The following HEPHL1 variants were observed in gnomAD, a reference collection of about 807,000 sequenced individuals.
HEPHL1 encodes ferroxidase HEPHL1.
Under a neutral mutation model 122.0 loss-of-function variants are expected in HEPHL1, and 123 were observed. That is an observed-to-expected ratio of 1.01 (90% CI 0.87 to 1.17). HEPHL1 has a LOEUF of 1.17. HEPHL1 is among the 50% of genes most tolerant of loss of function. The pLI is 0.00. For synonymous variants in HEPHL1, 527 were observed against 508.9 expected (o/e 1.04, Z -0.48); for missense variants, 1,452 against 1,430.5 (o/e 1.01, Z -0.24).
intron 1 of HEPHL1, among the ~76,000 whole-genome samples, chr11:94,042,360 C>G (rs1332960681): frequency 8.5e-5 from 12 of 141,846 alleles, no homozygotes; most frequent in Admixed American, 4.3e-4. Context: ...TTTGACCCAG[C>G]CATCCCATTA....
chr11:94,081,421 C>T (rs1435515957), intron 9 of HEPHL1, among the ~76,000 whole-genome samples: 1 of 152,166 alleles, frequency 6.6e-6, no homozygotes, highest in Non-Finnish European at 1.5e-5. Context: ...AACAAATCTG[C>T]GCAGACTGCA....
At position 94,104,514 on chromosome 11, in the gene HEPHL1, AT is replaced by A; in HGVS notation, c.2683-8del. ...CTTAATGGCTCTTTTAACTCAGTTT[AT>A]TTTTTCTTCCAGGATACGTATAGTG... is the stretch of plus-strand genomic sequence containing the variant. On this transcript the variant is annotated splice_polypyrimidine_tract_variant and intron_variant, in intron 15 of 19. Coordinates refer to ENST00000315765, the MANE Select transcript of HEPHL1 (RefSeq NM_001098672.2). 14 of 1,569,490 alleles carry A rather than the reference AT, an allele frequency of 8.9e-6. No homozygotes were observed. The highest frequency in any genetic ancestry group is 1.2e-5 in the Non-Finnish European group (14 of 1,142,442).
Position 94,093,633 on chromosome 11 carries a change from A to G in HEPHL1, c.2427A>G (p.Glu809=). 6.2e-7 allele frequency: 1 copy of G among 1,612,266 alleles called. No individual in the cohort carries two copies. The highest frequency in any genetic ancestry group is 1.1e-5 in the South Asian group (1 of 90,940). ...KARPPREEHL[E]LLGPMIHAEV... ...GACCACCACGAGAGGAGCACTTAGAACTCCTGGGTATGGCACAGATTTCAG... is the reference window on the plus strand; with the variant it reads ...GACCACCACGAGAGGAGCACTTAGAGCTCCTGGGTATGGCACAGATTTCAG... The change falls in exon 13 of 20, where the codon GAA becomes GAG. Residue 809 remains glutamate, a synonymous_variant. Coordinates refer to ENST00000315765, the MANE Select transcript of HEPHL1 (RefSeq NM_001098672.2).
chr11:94,097,867 A>G (rs1379027752), intron 13 of HEPHL1, among the ~76,000 whole-genome samples: 5 of 152,062 alleles, frequency 3.3e-5, no homozygotes, highest in African/African-American at 4.8e-5. Context: ...CCATTTGCTT[A>G]GTAGATCTTC....
In HEPHL1 at chr11:94,073,144, A is replaced by C; in HGVS notation, c.1352A>C (p.Glu451Ala). 1 of 1,613,244 alleles carries C rather than the reference A, an allele frequency of 6.2e-7. No individual in the cohort carries two copies. Among genetic ancestry groups the C allele is most frequent in the Non-Finnish European group, 8.5e-7 (1 of 1,179,484 alleles). ...AAAAGAAAGAGACTCTCTGCTGAAG[A>C]AGCCCATCTTGGAATTCTTGGTACA... ...FTKRKRLSAE[E>A]AHLGILGPVI... is the part of the protein sequence containing the mutation. The change falls in exon 7 of 20, where the codon GAA becomes GCA. Residue 451 changes from glutamate (E) to alanine (A), a missense_variant. Transcript: ENST00000315765.
chr11:94,044,763 C>CTTTTTT (rs112232970), intron 1 of HEPHL1, among the ~76,000 whole-genome samples: 1 of 136,386 alleles, frequency 7.3e-6, no homozygotes, highest in African/African-American at 2.8e-5. Context: ...TTCTCCAAAC[C>CTTTTTT]TTTTTTTTTT....
Position 94,043,427 on chromosome 11 carries a change from G to T in HEPHL1, c.171-2246G>T, listed in dbSNP as rs562805476. ...CCTGAACTAATCATGGTGGCCCAGG[G>T]TAGGCTGGCTGGGGGATGAATGATA... On this transcript the variant is annotated intron_variant, in intron 1 of 19. Coordinates refer to ENST00000315765, the MANE Select transcript of HEPHL1 (RefSeq NM_001098672.2). 1.1e-3 allele frequency among the ~76,000 whole-genome samples: 167 copies of T among 152,234 alleles called. 1 individual carries two copies. Among genetic ancestry groups the T allele is most frequent in the African/African-American group, 3.8e-3 (158 of 41,542 alleles).
At chr11:94,044,938 C>T (rs1011997194) in intron 1 of HEPHL1, among the ~76,000 whole-genome samples, 7 of 151,406 alleles carry the variant, frequency 4.6e-5, no homozygotes, top group African/African-American at 1.5e-4. Flanking sequence ...TTTTTTAAGA[C>T]GGAATCTTGA....
chr11:94,093,667 T>C (rs773090764), intron 13 of HEPHL1, 27 bp downstream of exon 13: 11 of 1,604,282 alleles, frequency 6.9e-6, no homozygotes, highest in Middle Eastern at 1.7e-4. Context: ...AGGCGTGCAC[T>C]GTCAGCCCCA....
In HEPHL1 at chr11:94,045,783, C is replaced by G. The variant is rs1374673689; in HGVS notation, c.281C>G (p.Pro94Arg). 2.5e-6 allele frequency: 4 copies of G among 1,613,988 alleles called. No individual in the cohort carries two copies. Among genetic ancestry groups the G allele is most frequent in the Non-Finnish European group, 2.5e-6 (3 of 1,179,892 alleles). ...ACCTACTCCATAGAGATCCCCAAACCTCCCTGGCTTGGATTCCTGGGCCCC... is the reference window on the plus strand; with the variant it reads ...ACCTACTCCATAGAGATCCCCAAACGTCCCTGGCTTGGATTCCTGGGCCCC... ...DGTYSIEIPK[P>R]PWLGFLGPIL... is the part of the protein sequence containing the mutation. The change falls in exon 2 of 20, where the codon CCT becomes CGT. Residue 94 changes from proline (P) to arginine (R), a missense_variant. Physicochemically the swap from Pro to Arg is moderately radical, Grantham distance 103. Coordinates refer to ENST00000315765, the MANE Select transcript of HEPHL1 (RefSeq NM_001098672.2).
rs1185469682 is a variant in HEPHL1 at position 94,101,255 on chromosome 11, G to A, written c.2495G>A (p.Ser832Asn). The A allele has an allele frequency of 1.9e-6, 3 of 1,613,870 alleles. No individual in the cohort carries two copies. Among genetic ancestry groups the A allele is most frequent in the Non-Finnish European group, 2.5e-6 (3 of 1,179,854 alleles). ...CTGATCATATTTAAGAACAAAGCCAGTAGGCCCTACTCCATCTCAGCCCAG... is the reference window on the plus strand; with the variant it reads ...CTGATCATATTTAAGAACAAAGCCAATAGGCCCTACTCCATCTCAGCCCAG... ...TVLIIFKNKA[S>N]RPYSISAQGV... The change falls in exon 14 of 20, where the codon AGT becomes AAT. Residue 832 changes from serine to asparagine, a missense_variant. Coordinates refer to ENST00000315765, the MANE Select transcript of HEPHL1 (RefSeq NM_001098672.2).
intron 13 of HEPHL1, among the ~76,000 whole-genome samples, chr11:94,097,835 G>A (rs1352790718): frequency 6.6e-6 from 1 of 152,092 alleles, no homozygotes; most frequent in Admixed American, 6.5e-5. Context: ...GACTAGGATT[G>A]CAACCCCTGC....
Position 94,093,576 on chromosome 11 carries a change from T to C in HEPHL1, c.2370T>C (p.Tyr790=), listed in dbSNP as rs769895515. 7 of 1,613,696 alleles carry C rather than the reference T, an allele frequency of 4.3e-6. No homozygotes were observed. The highest frequency in any genetic ancestry group is 1.3e-5 in the African/African-American group (1 of 74,886). The change falls in exon 13 of 20, where the codon TAT becomes TAC. Residue 790 remains tyrosine (Y), a synonymous_variant. Transcript: ENST00000315765. The part of the protein sequence containing the change: ...SQYKKVVYRE[Y]TDGEFVEIKA... ...ACAAGAAGGTGGTTTACAGGGAATATACGGATGGAGAATTTGTGGAGATCA... is the reference window on the plus strand; with the variant it reads ...ACAAGAAGGTGGTTTACAGGGAATACACGGATGGAGAATTTGTGGAGATCA...
At chr11:94,079,063 A>G (rs926405468) in intron 9 of HEPHL1, among the ~76,000 whole-genome samples, 2 of 152,174 alleles carry the variant, frequency 1.3e-5, no homozygotes, top group African/African-American at 4.8e-5. Context: ...ACTCCTTTCA[A>G]TTGTTCATTC....
intron 13 of HEPHL1, among the ~76,000 whole-genome samples, chr11:94,098,838 T>C (rs1367454190): frequency 2.0e-5 from 3 of 152,252 alleles, no homozygotes; most frequent in Non-Finnish European, 4.4e-5. Context: ...ATTATGTAGT[T>C]CTCGTGCCAT....
chr11:94,075,512 T>C, intron 9 of HEPHL1, 127 bp downstream of exon 9: 1 of 659,174 alleles, frequency 1.5e-6, no homozygotes, highest in South Asian at 2.0e-5. Context: ...GAAGTAGATT[T>C]CTACATAATG....
At chr11:94,029,011 A>G (rs1262683678) in intron 1 of HEPHL1, among the ~76,000 whole-genome samples, 4 of 152,192 alleles carry the variant, frequency 2.6e-5, no homozygotes, top group Non-Finnish European at 5.9e-5. Flanking sequence ...ATTAGTTAAA[A>G]AAGTATAGGA....
Position 94,063,688 on chromosome 11 carries a change from G to C in HEPHL1, c.596G>C (p.Gly199Ala). 1 of 1,613,752 alleles carries C rather than the reference G, an allele frequency of 6.2e-7. No individual in the cohort carries two copies. Among genetic ancestry groups the C allele is most frequent in the Admixed American group, 1.7e-5 (1 of 59,990 alleles). ...HIDAPKDICSGLIGPLLVCKE... is the reference protein window; with the variant it reads ...HIDAPKDICSALIGPLLVCKE... ...GACGCCCCAAAGGACATCTGCTCTG[G>C]GCTAATTGGGCCCCTGCTGGTCTGC... is the stretch of plus-strand genomic sequence containing the variant. Residue 199 changes from glycine to alanine, a missense_variant, in exon 3 of 20, where the codon GGG becomes GCG. Physicochemically the swap from Gly to Ala is moderately conservative, Grantham distance 60. Transcript: ENST00000315765.
intron 9 of HEPHL1, among the ~76,000 whole-genome samples, chr11:94,076,718 C>A (rs1474653442): frequency 6.6e-6 from 1 of 152,108 alleles, no homozygotes; most frequent in East Asian, 1.9e-4. Flanking sequence ...TTATGAAATA[C>A]CTGCTATGTG....
Sources: gnomAD v4.1 joint callset for allele counts (sites outside exome capture counted in the v4.1 genomes callset) on GRCh38, gnomAD v4.1.1 for gene constraint, MANE v1.5 for transcripts, NCBI Gene and HGNC (gene_info 2026-07-23, HGNC 2026-07-21) for gene names.